TSNARE1: variants seen among roughly 807,000 people sequenced by gnomAD.
TSNARE1 encodes t-SNARE domain containing 1.
A neutral mutation model predicts 62.0 loss-of-function variants in TSNARE1; 49 were observed. That is an observed-to-expected ratio of 0.79 (90% CI 0.63 to 1.00). The LOEUF is 1.00. Ranked by LOEUF, TSNARE1 falls within the 50% of genes least tolerant of loss-of-function variation. The probability of loss-of-function intolerance (pLI) is 0.00; values close to 1 mark genes in which losing one functional copy is unlikely to be tolerated. For synonymous variants in TSNARE1, 328 were observed against 294.4 expected, an observed-to-expected ratio of 1.11 and a Z score of -1.17; for missense variants, 755 against 700.1, an observed-to-expected ratio of 1.08 and a Z score of -0.88.
intron 12 of TSNARE1, among the ~76,000 whole-genome samples, chr8:142,236,804 A>G (rs1264902088): frequency 6.6e-6 from 1 of 152,158 alleles, no homozygotes; most frequent in Non-Finnish European, 1.5e-5. Flanking sequence ...TTCATTGCCT[A>G]TGTGCAGGGG....
chr8:142,350,144 G>T (rs1295450961), intron 2 of TSNARE1, among the ~76,000 whole-genome samples: 3 of 116,594 alleles, frequency 2.6e-5, no homozygotes, highest in Non-Finnish European at 3.7e-5. Context: ...GGCAGGGCGG[G>T]CAGGGCTGGG....
At chr8:142,215,092 G>A (rs1476297325) in intron 13 of TSNARE1, among the ~76,000 whole-genome samples, 2 of 152,216 alleles carry the variant, frequency 1.3e-5, no homozygotes, top group African/African-American at 4.8e-5. Context: ...TGTCCATGGA[G>A]GTGTCCACAG....
At chr8:142,274,988 G>C (rs1462875316) in intron 11 of TSNARE1, 125 bp from the exon 12 acceptor site, 2 of 1,385,492 alleles carry the variant, frequency 1.4e-6, no homozygotes, top group Non-Finnish European at 1.9e-6. Flanking sequence ...AGAGGCTGCA[G>C]GGATGGGCGC....
intron 1 of TSNARE1, among the ~76,000 whole-genome samples, chr8:142,360,879 AGTGTG>A (rs1835102235): frequency 6.6e-6 from 1 of 152,152 alleles, no homozygotes; most frequent in Non-Finnish European, 1.5e-5. Flanking sequence ...CTGTGGGGCC[AGTGTG>A]GGGGTCTTGA....
At chr8:142,232,866 C>T (rs577940427) in intron 12 of TSNARE1, among the ~76,000 whole-genome samples, 12 of 152,204 alleles carry the variant, frequency 7.9e-5, no homozygotes, top group South Asian at 2.1e-4. Flanking sequence ...CTCCCCTCCC[C>T]GACCCCAACT....
intron 1 of TSNARE1, among the ~76,000 whole-genome samples, chr8:142,371,454 G>C (rs996752195): frequency 1.3e-5 from 2 of 152,180 alleles, no homozygotes; most frequent in East Asian, 1.9e-4. Context: ...ATGCACGACT[G>C]TACAAATTCA....
At chr8:142,295,933 G>A (rs1007642430) in intron 10 of TSNARE1, among the ~76,000 whole-genome samples, 6 of 148,186 alleles carry the variant, frequency 4.0e-5, no homozygotes, top group African/African-American at 1.5e-4. Context: ...GGCAGTGAGG[G>A]CTCAGGACAG....
chr8:142,376,814 G>A (rs1021966250), intron 1 of TSNARE1, among the ~76,000 whole-genome samples: 21 of 152,260 alleles, frequency 1.4e-4, no homozygotes, highest in African/African-American at 3.6e-4. Context: ...AGCGTGTGCC[G>A]AGCCATCAGT....
intron 13 of TSNARE1, among the ~76,000 whole-genome samples, chr8:142,228,692 C>T (rs1255788875): frequency 1.3e-5 from 2 of 152,222 alleles, no homozygotes; most frequent in African/African-American, 4.8e-5. Flanking sequence ...CTGCCATGTG[C>T]ACCACTGGGT....
At chr8:142,266,802 A>G (rs1238145232) in intron 12 of TSNARE1, among the ~76,000 whole-genome samples, 2 of 151,690 alleles carry the variant, frequency 1.3e-5, no homozygotes, top group African/African-American at 4.8e-5. Flanking sequence ...CTCTTCCGGG[A>G]CTCCAAGACG....
intron 1 of TSNARE1, among the ~76,000 whole-genome samples, chr8:142,355,897 G>A (rs1430872273): frequency 6.6e-6 from 1 of 152,180 alleles, no homozygotes; most frequent in Non-Finnish European, 1.5e-5. Flanking sequence ...CCAGAGCAGG[G>A]CAGCACCAGG....
At chr8:142,304,121 TATAAA>T (rs1307429264) in intron 9 of TSNARE1, among the ~76,000 whole-genome samples, 1 of 152,206 alleles carries the variant, frequency 6.6e-6, no homozygotes, top group Non-Finnish European at 1.5e-5. Flanking sequence ...GATAGATGAA[TATAAA>T]ATAAAAGATC....
At chr8:142,315,124 G>A in intron 7 of TSNARE1, 32 bp from the exon 8 acceptor site, 1 of 1,611,638 alleles carries the variant, frequency 6.2e-7, no homozygotes, top group Non-Finnish European at 8.5e-7. Flanking sequence ...CACGGCATGG[G>A]AGGCTTGGCC....
intron 10 of TSNARE1, 54 bp from the exon 11 acceptor site, chr8:142,284,539 A>G (rs1822354725): frequency 4.3e-6 from 6 of 1,404,982 alleles, no homozygotes; most frequent in Non-Finnish European, 5.7e-6. Flanking sequence ...GCAGACACCA[A>G]GGGCACCTGA....
intron 12 of TSNARE1, among the ~76,000 whole-genome samples, chr8:142,244,975 C>A (rs1563773202): frequency 6.6e-6 from 1 of 152,362 alleles, no homozygotes; most frequent in East Asian, 1.9e-4. Flanking sequence ...GCTGCACCAT[C>A]ATTACGACGG....
chr8:142,309,391 G>T (rs1827225844), intron 9 of TSNARE1, among the ~76,000 whole-genome samples: 1 of 152,098 alleles, frequency 6.6e-6, no homozygotes, highest in Admixed American at 6.6e-5. Flanking sequence ...TTAACTGTAG[G>T]GTTTTTGAAG....
chr8:142,294,907 C>A (rs1345991970), intron 10 of TSNARE1, among the ~76,000 whole-genome samples: 1 of 152,248 alleles, frequency 6.6e-6, no homozygotes, highest in Non-Finnish European at 1.5e-5. Flanking sequence ...TCTCCCCCAT[C>A]CAGACAGAGC....
intron 11 of TSNARE1, chr8:142,275,966 C>T (rs1820410898): frequency 2.0e-6 from 2 of 985,288 alleles, no homozygotes; most frequent in Admixed American, 1.2e-4. Flanking sequence ...TCTGCAAGCC[C>T]CCTGGGCAGG....
intron 13 of TSNARE1, among the ~76,000 whole-genome samples, chr8:142,226,887 C>A (rs1485332281): frequency 6.6e-6 from 1 of 152,094 alleles, no homozygotes. Context: ...TGCTGAGCCT[C>A]ATCTGGAAAA....
Sources: gnomAD v4.1 joint callset for allele counts (sites outside exome capture counted in the v4.1 genomes callset) on GRCh38, gnomAD v4.1.1 for gene constraint, MANE v1.5 for transcripts, NCBI Gene and HGNC (gene_info 2026-07-23, HGNC 2026-07-21) for gene names.